The following ATP2B4 variants were observed in gnomAD, a reference collection of about 807,000 sequenced individuals.
ATP2B4 encodes ATPase plasma membrane Ca2+ transporting 4, also known as plasma membrane calcium-transporting ATPase 4.
ATP2B4 carries 39 observed loss-of-function variants against 110.3 expected under a neutral mutation model. The observed-to-expected ratio is 0.35, with a 90% confidence interval of 0.27 to 0.46. The LOEUF is 0.46. Ranked by LOEUF, ATP2B4 falls within the 20% of genes least tolerant of loss-of-function variation. ATP2B4 has a pLI of 1.00. For missense variants in ATP2B4, 1,135 were observed against 1,530.9 expected, an observed-to-expected ratio of 0.74 and a Z score of 4.32; for synonymous variants, 538 against 571.7, an observed-to-expected ratio of 0.94 and a Z score of 0.84.
rs1260232798 is a variant in ATP2B4 at position 203,650,466 on chromosome 1, G to T, written c.-465+23247G>T. On this transcript the variant is annotated intron_variant, in intron 1 of 20. Coordinates refer to ENST00000357681, the MANE Select transcript of ATP2B4 (RefSeq NM_001684.5). Reference sequence around the variant, plus strand: ...CCCTCTGAGCAATCGCTGCTGCCCAGGTGGAGTCGGCCCGCCTTATTTGGG... The same window carrying T: ...CCCTCTGAGCAATCGCTGCTGCCCATGTGGAGTCGGCCCGCCTTATTTGGG... Among the ~76,000 whole-genome samples the T allele has an allele frequency of 3.3e-5, 5 of 152,210 alleles. No individual in the cohort carries two copies. The East Asian group carries it at 9.6e-4, about 29-fold the overall frequency.
intron 16 of ATP2B4, 140 bp from the exon 17 acceptor site, chr1:203,721,057 A>G (rs1364867017): frequency 7.9e-6 from 7 of 882,230 alleles, no homozygotes; most frequent in Non-Finnish European, 1.0e-5. Flanking sequence ...CAAGGAAGTT[A>G]AGTAGCTTTC....
chr1:203,677,083 G>A (rs1393950834), intron 1 of ATP2B4, among the ~76,000 whole-genome samples: 1 of 151,918 alleles, frequency 6.6e-6, no homozygotes, highest in Non-Finnish European at 1.5e-5. Flanking sequence ...TTCAGATTAG[G>A]GCACAAATCT....
At chr1:203,727,057 T>C (rs1241303984) in intron 19 of ATP2B4, among the ~76,000 whole-genome samples, 1 of 152,184 alleles carries the variant, frequency 6.6e-6, no homozygotes, top group Non-Finnish European at 1.5e-5. Flanking sequence ...TATAGTTCTG[T>C]TAACCTTAAA....
intron 10 of ATP2B4, 61 bp downstream of exon 10, chr1:203,708,165 T>G: frequency 6.2e-7 from 1 of 1,600,570 alleles, no homozygotes; most frequent in South Asian, 1.1e-5. Context: ...ATCCATTTTC[T>G]CTGAAATGAA....
rs146771639 is a variant in ATP2B4 at position 203,679,623 on chromosome 1, G to A, written c.-464-3119G>A. ...AATTCTGCCAGGCGCAGTAGTTCACGCCTCTAATCCTAGCACTTTGGGAGG... is the reference window on the plus strand; with the variant it reads ...AATTCTGCCAGGCGCAGTAGTTCACACCTCTAATCCTAGCACTTTGGGAGG... On this transcript the variant is annotated intron_variant, in intron 1 of 20. Transcript: ENST00000357681. Among the ~76,000 whole-genome samples, 23 of 152,240 alleles carry A rather than the reference G, an allele frequency of 1.5e-4. No individual in the cohort carries two copies. In the East Asian group the frequency reaches 3.7e-3, roughly 24 times the overall value.
At chr1:203,687,983 A>G (rs1665248188) in intron 2 of ATP2B4, among the ~76,000 whole-genome samples, 1 of 143,208 alleles carries the variant, frequency 7.0e-6, no homozygotes, top group South Asian at 2.3e-4. Flanking sequence ...GGAGAGAGGG[A>G]GAGAGAAAGA....
At chr1:203,684,517 C>G (rs564870082) in intron 2 of ATP2B4, among the ~76,000 whole-genome samples, 8 of 151,862 alleles carry the variant, frequency 5.3e-5, no homozygotes, top group African/African-American at 1.5e-4. Flanking sequence ...ACCACCACGC[C>G]CAGCTAATTT....
At chr1:203,732,524 G>A (rs958330944) in intron 20 of ATP2B4, among the ~76,000 whole-genome samples, 1 of 152,114 alleles carries the variant, frequency 6.6e-6, no homozygotes, top group Non-Finnish European at 1.5e-5. Context: ...TCATGGCCCA[G>A]GGGTCTTTCC....
In ATP2B4 at chr1:203,696,437, TC is replaced by T. The variant is rs764715675; in HGVS notation, c.194-1717del. On this transcript the variant is annotated intron_variant, in intron 2 of 20. Transcript: ENST00000357681. ...TCTCTCTGTGAAGCTCAGTTGAAGTTCCCTTCCTCTGATTCTGACCCTCCTC... is the reference window on the plus strand; with the variant it reads ...TCTCTCTGTGAAGCTCAGTTGAAGTTCCTTCCTCTGATTCTGACCCTCCTC... Among the ~76,000 whole-genome samples, 3 of 152,292 alleles carry T rather than the reference TC, an allele frequency of 2.0e-5. 1 individual carries two copies. In the Middle Eastern group the frequency reaches 0.01, roughly 518 times the overall value.
chr1:203,680,060 CAAAAA>C (rs71145014), intron 1 of ATP2B4, among the ~76,000 whole-genome samples: 8 of 120,640 alleles, frequency 6.6e-5, no homozygotes, highest in Admixed American at 8.3e-5. Flanking sequence ...GACTCTTTCT[CAAAAA>C]AAAAAAAAAA....
intron 20 of ATP2B4, 147 bp from the exon 21 acceptor site, chr1:203,739,399 C>T: frequency 1.3e-6 from 1 of 787,126 alleles, no homozygotes; most frequent in Non-Finnish European, 2.0e-6. Flanking sequence ...CCCATGATCT[C>T]TTCTGATGTG....
At chr1:203,696,384 C>T (rs1040594020) in intron 2 of ATP2B4, among the ~76,000 whole-genome samples, 1 of 152,124 alleles carries the variant, frequency 6.6e-6, no homozygotes, top group African/African-American at 2.4e-5. Flanking sequence ...CCGTTTTGTC[C>T]CTGCAGCCTC....
chr1:203,710,289 G>GA (rs1174949548), intron 11 of ATP2B4, among the ~76,000 whole-genome samples: 1 of 151,710 alleles, frequency 6.6e-6, no homozygotes, highest in Non-Finnish European at 1.5e-5. Context: ...AGAATCGCTT[G>GA]AACCCAGAAG....
At chr1:203,676,348 C>G (rs1362189785) in intron 1 of ATP2B4, among the ~76,000 whole-genome samples, 2 of 151,988 alleles carry the variant, frequency 1.3e-5, no homozygotes, top group Non-Finnish European at 2.9e-5. Context: ...GGCTGCCAGA[C>G]CTGAGGGATT....
rs2102285041 is a variant in ATP2B4, at chr1:203,626,896, C to T, written c.-788C>T. The stretch of plus-strand genomic sequence containing the variant: ...AGAAAGCTCTGCTGTTGAGATCGTC[C>T]AAAGCTGGGGGCTGGGAGGGGGGGC... On this transcript the variant is annotated 5_prime_UTR_variant, in exon 1 of 21. Coordinates refer to ENST00000357681, the MANE Select transcript of ATP2B4 (RefSeq NM_001684.5). The T allele has an allele frequency of 7.1e-6, 1 of 140,544 alleles. No homozygotes were observed. The highest frequency in any genetic ancestry group is 3.6e-3 in the Middle Eastern group (1 of 280). 8.7% of individuals were successfully genotyped at this position (140,544 alleles called of 1,614,324 possible).
chr1:203,707,208 G>A lies in ATP2B4; in HGVS notation c.1299G>A (p.Leu433=), dbSNP rs1340084360. The A allele has an allele frequency of 6.2e-7, 1 of 1,613,656 alleles. No individual in the cohort carries two copies. The highest frequency in any genetic ancestry group is 1.7e-4 in the Middle Eastern group (1 of 6,042). The change falls in exon 9 of 21, where the codon CTG becomes CTA. Residue 433 remains leucine (L), a synonymous_variant. Transcript: ENST00000357681. ...TGCCTCTGGCTGTCACCATCTCACT[G>A]GCCTACTCTGTGAAGGTGAGACTAG... is the stretch of plus-strand genomic sequence containing the variant. The part of the protein sequence containing the change: ...EGLPLAVTIS[L]AYSVKKMMKD...
In ATP2B4 at chr1:203,709,403, C is replaced by T. The variant is rs369304929; in HGVS notation, c.1660C>T (p.Arg554Cys). The part of the protein sequence containing the change: ...TDLKQDYQAV[R>C]NEVPEEKLYK... ...TCTGAAGCAGGATTATCAGGCTGTG[C>T]GTAATGAAGTGCCCGAGGAGAAGCT... Residue 554 changes from arginine to cysteine, a missense_variant, in exon 11 of 21, where the codon CGT (arginine) becomes TGT (cysteine). Physicochemically the swap from Arg to Cys is radical, Grantham distance 180. Around this residue, in one of 9 missense-constraint regions of ATP2B4, gnomAD observed 368 missense variants for 455.9 expected, o/e 0.81. Transcript: ENST00000357681. 1.8e-5 allele frequency: 29 copies of T among 1,614,074 alleles called. No individual in the cohort carries two copies. Among genetic ancestry groups the T allele is most frequent in the East Asian group, 4.5e-5 (2 of 44,888 alleles).
chr1:203,659,791 A>AT (rs1464833216), intron 1 of ATP2B4, among the ~76,000 whole-genome samples: 9 of 152,092 alleles, frequency 5.9e-5, no homozygotes, highest in African/African-American at 1.2e-4. Context: ...TGCTAAAAAA[A>AT]ATATATAAAA....
chr1:203,709,348 C>G lies in ATP2B4; in HGVS notation c.1605C>G (p.Thr535=). ...GGLPRQVGNK[T]ECALLGFVTD... is the part of the protein sequence containing the mutation. ...TGCCTCGGCAGGTGGGCAACAAGACCGAGTGTGCTCTGCTAGGCTTTGTCA... is the reference window on the plus strand; with the variant it reads ...TGCCTCGGCAGGTGGGCAACAAGACGGAGTGTGCTCTGCTAGGCTTTGTCA... The change falls in exon 11 of 21, where the codon ACC becomes ACG. Residue 535 remains threonine (T), a synonymous_variant. Coordinates refer to ENST00000357681, the MANE Select transcript of ATP2B4 (RefSeq NM_001684.5). The G allele has an allele frequency of 6.2e-7, 1 of 1,614,178 alleles. No individual in the cohort carries two copies. The highest frequency in any genetic ancestry group is 8.5e-7 in the Non-Finnish European group (1 of 1,180,020).
Sources: allele counts gnomAD v4.1 joint callset (sites outside exome capture counted in the v4.1 genomes callset), GRCh38; gene constraint gnomAD v4.1.1; regional missense constraint gnomAD v4.1.1; transcripts MANE v1.5; gene names NCBI Gene and HGNC (gene_info 2026-07-23, HGNC 2026-07-21).